PEAK1: variants seen among roughly 807,000 people sequenced by gnomAD.
The protein encoded by PEAK1 is inactive tyrosine-protein kinase PEAK1.
In PEAK1, 54 loss-of-function variants were observed where a neutral mutation model predicts 124.7. That is an observed-to-expected ratio of 0.43 (90% CI 0.35 to 0.54). The LOEUF is 0.54. PEAK1 is among the 20% of genes least tolerant of loss of function. The pLI is 0.01. For synonymous variants in PEAK1, 719 were observed against 760.0 expected (o/e 0.95, Z 0.89); for missense variants, 2,046 against 2,134.5 (o/e 0.96, Z 0.82).
intron 2 of PEAK1, among the ~76,000 whole-genome samples, chr15:77,296,338 G>A (rs1455664139): frequency 1.3e-5 from 2 of 150,244 alleles, no homozygotes; most frequent in Admixed American, 1.3e-4. Flanking sequence ...GGGACCAGGC[G>A]AGGTGGCTCA....
At chr15:77,313,162 T>C (rs1044258588) in intron 2 of PEAK1, among the ~76,000 whole-genome samples, 1 of 152,134 alleles carries the variant, frequency 6.6e-6, no homozygotes, top group Non-Finnish European at 1.5e-5. Context: ...AGAAAATTTT[T>C]TAAATGCTTA....
chr15:77,366,010 T>C (rs372972663), intron 1 of PEAK1, among the ~76,000 whole-genome samples: 41 of 152,144 alleles, frequency 2.7e-4, no homozygotes, highest in African/African-American at 9.6e-4. Context: ...ATGGAAAAAA[T>C]GTTCTCTACA....
In PEAK1 at chr15:77,179,759, C is replaced by T; in HGVS notation, c.2168G>A (p.Ser723Asn). 1.2e-6 allele frequency: 2 copies of T among 1,614,136 alleles called. No individual in the cohort carries two copies. Among genetic ancestry groups the T allele is most frequent in the East Asian group, 2.2e-5 (1 of 44,884 alleles). Residue 723 changes from serine to asparagine, a missense_variant, in exon 7 of 10, where the codon AGC (serine) becomes AAC (asparagine). By Grantham distance (46) the Ser-to-Asn change is conservative. Transcript: ENST00000682557. ...TGGGGAGCTGTGGCTGGAACTATAGCTTCTCTGTGGTGAAGACTGACCTCT... is the reference window on the plus strand; with the variant it reads ...TGGGGAGCTGTGGCTGGAACTATAGTTTCTCTGTGGTGAAGACTGACCTCT... Reference protein sequence around the residue: ...LNRGQSSPQRSYSSSHSSPAK... With the variant: ...LNRGQSSPQRNYSSSHSSPAK...
chr15:77,342,695 C>T (rs1298855821), intron 2 of PEAK1, among the ~76,000 whole-genome samples: 2 of 152,142 alleles, frequency 1.3e-5, no homozygotes, highest in Non-Finnish European at 1.5e-5. Flanking sequence ...AGGAGTGAAC[C>T]ACCACACCTG....
rs76923049 is a variant in PEAK1 at position 77,276,413 on chromosome 15, G to A, written c.-275+7470C>T. ...CAGTAAATTTCTCATTAAAAACCAC[G>A]GAAGCCAGAAGGAACTGGCACGATA... On this transcript the variant is annotated intron_variant, in intron 5 of 9. Coordinates refer to ENST00000682557, the MANE Select transcript of PEAK1 (RefSeq NM_001385026.1). Among the ~76,000 whole-genome samples the A allele has an allele frequency of 7.4e-3, 1,129 of 152,246 alleles. 15 individuals are homozygous for A. Among genetic ancestry groups the A allele is most frequent in the African/African-American group, 0.025 (1,058 of 41,542 alleles).
chr15:77,277,006 G>C (rs2062365404), intron 5 of PEAK1, among the ~76,000 whole-genome samples: 1 of 152,032 alleles, frequency 6.6e-6, no homozygotes, highest in Non-Finnish European at 1.5e-5. Flanking sequence ...GTAGTATCTA[G>C]AGTGAGGACA....
At chr15:77,120,990 C>G (rs778512852) in intron 9 of PEAK1, among the ~76,000 whole-genome samples, 1 of 152,100 alleles carries the variant, frequency 6.6e-6, no homozygotes, top group African/African-American at 2.4e-5. Context: ...CCCTAAACCC[C>G]CTTTCTGTGT....
intron 2 of PEAK1, chr15:77,332,963 T>TA (rs1334310208): frequency 3.0e-6 from 2 of 676,418 alleles, no homozygotes; most frequent in Admixed American, 6.3e-5. Context: ...CAAACTGCCC[T>TA]ATTCATGACT....
intron 5 of PEAK1, among the ~76,000 whole-genome samples, chr15:77,257,428 G>A (rs2061210137): frequency 6.7e-6 from 1 of 150,324 alleles, no homozygotes; most frequent in Admixed American, 6.6e-5. Context: ...TCTAACTGGT[G>A]TGAGATGGTA....
chr15:77,257,823 A>AACT (rs1441567241), intron 5 of PEAK1, among the ~76,000 whole-genome samples: 40,949 of 151,780 alleles, frequency 0.27, 6,484 homozygotes, highest in Middle Eastern at 0.38. Context: ...CCTGAATGGT[A>AACT]AGGCCTAGGT....
At chr15:77,378,074 T>C (rs951618046) in intron 1 of PEAK1, among the ~76,000 whole-genome samples, 1 of 152,036 alleles carries the variant, frequency 6.6e-6, no homozygotes, top group Non-Finnish European at 1.5e-5. Context: ...AACTAGCCTA[T>C]CATTTGAATA....
chr15:77,226,140 G>A (rs1316238012), intron 6 of PEAK1, among the ~76,000 whole-genome samples: 1 of 133,472 alleles, frequency 7.5e-6, no homozygotes, highest in Non-Finnish European at 1.6e-5. Flanking sequence ...AGACAGGAAA[G>A]ACCATTACCA....
chr15:77,383,793 T>C (rs1567334637), intron 1 of PEAK1, among the ~76,000 whole-genome samples: 1 of 152,216 alleles, frequency 6.6e-6, no homozygotes, highest in Non-Finnish European at 1.5e-5. Context: ...CTTTGGTCAA[T>C]CTAAACTTTT....
intron 1 of PEAK1, among the ~76,000 whole-genome samples, chr15:77,375,766 C>T (rs562778995): frequency 7.9e-5 from 12 of 152,146 alleles, no homozygotes; most frequent in African/African-American, 2.4e-4. Context: ...GAGGCCGAGG[C>T]GGGTGGATCA....
At chr15:77,187,709 C>T (rs2057617094) in intron 6 of PEAK1, among the ~76,000 whole-genome samples, 1 of 152,232 alleles carries the variant, frequency 6.6e-6, no homozygotes, top group African/African-American at 2.4e-5. Flanking sequence ...TAAAATCTGT[C>T]ACATTGCCAT....
At chr15:77,224,058 G>A (rs964914899) in intron 6 of PEAK1, among the ~76,000 whole-genome samples, 1 of 150,970 alleles carries the variant, frequency 6.6e-6, no homozygotes, top group African/African-American at 2.4e-5. Flanking sequence ...TTTTGGACAG[G>A]GTTATTCTTT....
intron 2 of PEAK1, among the ~76,000 whole-genome samples, chr15:77,315,777 A>G (rs997566723): frequency 1.3e-5 from 2 of 152,032 alleles, no homozygotes; most frequent in African/African-American, 4.8e-5. Context: ...GTACTCCTCT[A>G]AATTGTCAAG....
chr15:77,332,145 T>G, intron 2 of PEAK1: 2 of 920,606 alleles, frequency 2.2e-6, no homozygotes, highest in Non-Finnish European at 2.6e-6. Flanking sequence ...AAAATAAATT[T>G]AAAAATAAGT....
At chr15:77,387,154 AG>A (rs2070022470) in intron 1 of PEAK1, among the ~76,000 whole-genome samples, 1 of 152,188 alleles carries the variant, frequency 6.6e-6, no homozygotes, top group African/African-American at 2.4e-5. Flanking sequence ...ACTCCCATTA[AG>A]GCCTGATTAC....
Sources: allele counts gnomAD v4.1 joint callset (sites outside exome capture counted in the v4.1 genomes callset), GRCh38; gene constraint gnomAD v4.1.1; transcripts MANE v1.5; gene names NCBI Gene and HGNC (gene_info 2026-07-23, HGNC 2026-07-21).